Variants in ESR1 observed in about 807,000 individuals in gnomAD.
ESR1 encodes the protein estrogen receptor.
Under a neutral mutation model 52.7 loss-of-function variants are expected in ESR1, and 12 were observed. The observed-to-expected ratio is 0.23, with a 90% CI of 0.15 to 0.37. The LOEUF is 0.37. Ranked by LOEUF, ESR1 falls within the 10% of genes least tolerant of loss-of-function variation. The pLI, the probability that ESR1 is intolerant of heterozygous loss-of-function variation, is 1.00. For synonymous variants in ESR1, 305 were observed against 316.8 expected, an observed-to-expected ratio of 0.96 and a Z score of 0.39; for missense variants, 584 against 779.7, an observed-to-expected ratio of 0.75 and a Z score of 2.99.
intron 2 of ESR1, among the ~76,000 whole-genome samples, chr6:151,711,503 G>A (rs1780607177): frequency 1.3e-5 from 2 of 152,176 alleles, no homozygotes; most frequent in South Asian, 4.1e-4. Flanking sequence ...TTACAGGCGT[G>A]AGCCACCGCA....
intron 2 of ESR1, among the ~76,000 whole-genome samples, chr6:151,752,166 G>A (rs770878150): frequency 3.3e-5 from 5 of 152,188 alleles, no homozygotes; most frequent in Non-Finnish European, 7.3e-5. Context: ...GCTAAAAGCA[G>A]CCATGTCCAA....
At chr6:152,088,112 T>G (rs1476774038) in intron 6 of ESR1, among the ~76,000 whole-genome samples, 1 of 152,216 alleles carries the variant, frequency 6.6e-6, no homozygotes, top group Non-Finnish European at 1.5e-5. Context: ...TAATGTATTT[T>G]ATAACCATCA....
rs17847065 is a variant in ESR1 at position 151,808,349 on chromosome 6, C to T, written c.437C>T (p.Pro146Leu). ...PSGYTVREAG[P>L]PAFYRPNSDN... ...GGCTACACGGTGCGCGAGGCCGGCC[C>T]GCCGGCATTCTACAGGTACCCGCGC... Residue 146 changes from proline (P) to leucine (L), a missense_variant, in exon 1 of 8, where the codon CCG becomes CTG. This residue lies in a region of ESR1 where 251 missense variants were observed against 246.1 expected (regional missense o/e 1.02). Coordinates refer to ENST00000206249, the MANE Select transcript of ESR1 (RefSeq NM_000125.4). The T allele has an allele frequency of 2.6e-6, 4 of 1,511,858 alleles. No homozygotes were observed. The highest frequency in any genetic ancestry group is 3.5e-6 in the Non-Finnish European group (4 of 1,134,782). The allele number at this position is 1,511,858 out of a possible 1,614,324, so 93.7% of individuals were successfully genotyped here. A position where few individuals can be genotyped will look rare whatever the true frequency, so the allele number is the denominator to read the frequency against.
intron 6 of ESR1, among the ~76,000 whole-genome samples, chr6:152,124,911 C>T (rs888786398): frequency 2.0e-5 from 3 of 152,220 alleles, no homozygotes; most frequent in East Asian, 1.9e-4. Flanking sequence ...CTAGGCAGCA[C>T]TCTGAGCATT....
intron 5 of ESR1, among the ~76,000 whole-genome samples, chr6:152,016,854 G>C (rs1334770072): frequency 1.3e-5 from 2 of 152,228 alleles, no homozygotes; most frequent in African/African-American, 2.4e-5. Context: ...AAGGTCAACT[G>C]TCTCCATAGG....
At chr6:151,686,064 A>ATTTTTTT (rs557270210), upstream of ESR1, among the ~76,000 whole-genome samples, 2,535 of 114,150 alleles carry the variant, frequency 0.022, 158 homozygotes, top group African/African-American at 0.093. Context: ...AATTAAAACA[A>ATTTTTTT]TTTTTTTTTT....
intron 1 of ESR1, among the ~76,000 whole-genome samples, chr6:151,678,845 C>A (rs576442833): frequency 6.2e-4 from 95 of 152,158 alleles, no homozygotes; most frequent in Non-Finnish European, 1.0e-3. Context: ...TGCCACCACT[C>A]CTGGCTAATT....
rs9340981 is a variant in ESR1 at position 152,013,063 on chromosome 6, T to A, written c.1235+1269T>A. 1.2e-4 allele frequency among the ~76,000 whole-genome samples: 18 copies of A among 152,346 alleles called. No homozygotes were observed. In the South Asian group the frequency reaches 3.5e-3, roughly 30 times the overall value. ...GCTGTCTGTGGAATATATTTTGATA[T>A]CACAGTTTCACAAAATTATCAAGAA... On this transcript the variant is annotated intron_variant, in intron 5 of 7. Coordinates refer to ENST00000206249, the MANE Select transcript of ESR1 (RefSeq NM_000125.4).
intron 6 of ESR1, among the ~76,000 whole-genome samples, chr6:152,121,460 CAGG>C (rs2051365201): frequency 1.3e-5 from 2 of 152,112 alleles, no homozygotes; most frequent in African/African-American, 4.8e-5. Flanking sequence ...AACAAGAATT[CAGG>C]AGATTTGATT....
chr6:151,995,094 C>T (rs920523758), intron 4 of ESR1, among the ~76,000 whole-genome samples: 2 of 152,134 alleles, frequency 1.3e-5, no homozygotes, highest in African/African-American at 4.8e-5. Flanking sequence ...ACACACTCAG[C>T]AGCCACTGTG....
rs149712892 is a variant in ESR1 at position 151,795,387 on chromosome 6, T to C, written c.-70-12456T>C. Among the ~76,000 whole-genome samples the C allele has an allele frequency of 1.9e-4, 29 of 150,268 alleles. No individual in the cohort carries two copies. In the East Asian group the frequency reaches 4.9e-3, roughly 26 times the overall value. On this transcript the variant is annotated intron_variant, in intron 2 of 2. Coordinates refer to the ESR1 transcript ENST00000404742. Reference sequence around the variant, plus strand: ...ATGTAATCCCAGCTACTTGGGAGACTGAGGCACGAGAATTGAATGAACCCT... The same window carrying C: ...ATGTAATCCCAGCTACTTGGGAGACCGAGGCACGAGAATTGAATGAACCCT...
intron 5 of ESR1, among the ~76,000 whole-genome samples, chr6:152,037,826 T>C (rs573338757): frequency 6.6e-6 from 1 of 152,238 alleles, no homozygotes; most frequent in East Asian, 1.9e-4. Context: ...CTCTTCACCC[T>C]GATTTCAGTG....
chr6:152,042,902 G>C (rs2982730), intron 5 of ESR1, among the ~76,000 whole-genome samples: 63,473 of 151,878 alleles, frequency 0.42, 14,718 homozygotes, highest in African/African-American at 0.61. Context: ...GCCACCACTT[G>C]GCCCATGCCA....
chr6:152,044,451 G>C (rs1481637738), intron 5 of ESR1, among the ~76,000 whole-genome samples: 1 of 152,170 alleles, frequency 6.6e-6, no homozygotes, highest in Non-Finnish European at 1.5e-5. Flanking sequence ...ATAAAAGGCA[G>C]TTTATTAAGG....
chr6:151,863,933 T>A (rs888353622), intron 2 of ESR1, among the ~76,000 whole-genome samples: 1 of 152,180 alleles, frequency 6.6e-6, no homozygotes, highest in African/African-American at 2.4e-5. Context: ...AAGACTTAAA[T>A]GTTAGAACTA....
intron 2 of ESR1, among the ~76,000 whole-genome samples, chr6:151,860,707 T>G (rs1171026734): frequency 6.6e-6 from 1 of 152,194 alleles, no homozygotes; most frequent in Non-Finnish European, 1.5e-5. Context: ...ACCTTACTTC[T>G]TAGACACAAA....
At chr6:151,940,669 GTCTCCTTCT>G (rs1197447193) in intron 3 of ESR1, among the ~76,000 whole-genome samples, 1 of 152,108 alleles carries the variant, frequency 6.6e-6, no homozygotes, top group Non-Finnish European at 1.5e-5. Flanking sequence ...AGTTTTCTTT[GTCTCCTTCT>G]TCCCCAGTCA....
At chr6:151,774,103 T>C (rs886888592) in intron 2 of ESR1, among the ~76,000 whole-genome samples, 1 of 152,194 alleles carries the variant, frequency 6.6e-6, no homozygotes, top group Non-Finnish European at 1.5e-5. Context: ...ATTAGGGAGT[T>C]AGAGAGGGCT....
chr6:151,908,561 C>T (rs1797791123), intron 3 of ESR1, among the ~76,000 whole-genome samples: 1 of 152,106 alleles, frequency 6.6e-6, no homozygotes, highest in Non-Finnish European at 1.5e-5. Context: ...TACAGCTAAG[C>T]CTCTAACTGC....
Sources: allele counts gnomAD v4.1 joint callset (sites outside exome capture counted in the v4.1 genomes callset), GRCh38; gene constraint gnomAD v4.1.1; regional missense constraint gnomAD v4.1.1; transcripts MANE v1.5; gene names NCBI Gene and HGNC (gene_info 2026-07-23, HGNC 2026-07-21).